Variants in CDH13 observed in about 807,000 individuals in gnomAD.
The protein encoded by CDH13 is cadherin 13, also known as cadherin-13.
In CDH13, 24 loss-of-function variants were observed where a neutral mutation model predicts 63.8. The ratio of observed to expected loss-of-function variants is 0.38; its 90% CI spans 0.27 to 0.53. The LOEUF (loss-of-function observed/expected upper bound fraction) is 0.53. Among genes scored for constraint, CDH13 ranks in the 20% least tolerant of loss-of-function variants. The pLI is 0.85. For missense variants in CDH13, 1,049 were observed against 903.1 expected (o/e 1.16, Z -2.07); for synonymous variants, 503 against 355.3 (o/e 1.42, Z -4.67).
intron 1 of CDH13, among the ~76,000 whole-genome samples, chr16:82,665,750 C>G (rs1415850859): frequency 1.3e-5 from 2 of 151,950 alleles, no homozygotes; most frequent in East Asian, 3.9e-4. Context: ...AACTGACACC[C>G]TGTAAATTGG....
At chr16:83,749,532 G>A (rs1234175903) in intron 11 of CDH13, among the ~76,000 whole-genome samples, 1 of 152,230 alleles carries the variant, frequency 6.6e-6, no homozygotes, top group Non-Finnish European at 1.5e-5. Context: ...CTATTTGGAT[G>A]TATGTGGAAA....
chr16:83,126,866 T>G (rs1455784716), intron 4 of CDH13, among the ~76,000 whole-genome samples: 3 of 152,156 alleles, frequency 2.0e-5, no homozygotes, highest in African/African-American at 7.2e-5. Context: ...GCTAACATGC[T>G]AGTGGGAAGA....
At chr16:83,197,539 C>T (rs568897391) in intron 4 of CDH13, among the ~76,000 whole-genome samples, 17 of 152,258 alleles carry the variant, frequency 1.1e-4, no homozygotes, top group African/African-American at 4.1e-4. Flanking sequence ...TTCGTCTCCC[C>T]TCCCCACCCT....
intron 1 of CDH13, among the ~76,000 whole-genome samples, chr16:82,845,045 G>C (rs920400172): frequency 2.0e-5 from 3 of 152,142 alleles, no homozygotes; most frequent in African/African-American, 7.2e-5. Flanking sequence ...CCTGAAATCA[G>C]AGCCTGAGAG....
chr16:83,621,667 AG>A (rs761725246), intron 8 of CDH13, among the ~76,000 whole-genome samples: 9 of 151,234 alleles, frequency 6.0e-5, no homozygotes, highest in Non-Finnish European at 1.2e-4. Flanking sequence ...TTGTATTTTT[AG>A]TAGAGACGAG....
intron 8 of CDH13, among the ~76,000 whole-genome samples, chr16:83,617,501 T>A (rs1004847160): frequency 3.8e-4 from 58 of 151,618 alleles, no homozygotes; most frequent in African/African-American, 1.3e-3. Context: ...TAAGCACATA[T>A]CCTAATATGC....
intron 1 of CDH13, among the ~76,000 whole-genome samples, chr16:82,787,841 A>AGTGTGCGTGTGTGTGTGTGTGTGT (rs1555516773): frequency 0.04 from 5,868 of 146,764 alleles, 165 homozygotes; most frequent in Non-Finnish European, 0.062. Flanking sequence ...GAAGGGAGGA[A>AGTGTGCGTGTGTGTGTGTGTGTGT]GTGTGTGTGT....
At chr16:82,999,891 A>T (rs531699582) in intron 2 of CDH13, among the ~76,000 whole-genome samples, 3 of 152,076 alleles carry the variant, frequency 2.0e-5, no homozygotes, top group Non-Finnish European at 1.5e-5. Flanking sequence ...ACCCGGGACA[A>T]TTTCACCCCC....
intron 1 of CDH13, among the ~76,000 whole-genome samples, chr16:82,847,887 G>C (rs959018268): frequency 3.2e-4 from 39 of 121,436 alleles, no homozygotes; most frequent in African/African-American, 9.2e-4. Context: ...TTGTTTTCTT[G>C]TGCTTCACTT....
intron 2 of CDH13, chr16:82,953,277 T>C (rs897563060): frequency 2.0e-5 from 3 of 152,158 alleles, no homozygotes; most frequent in Admixed American, 2.0e-4. Context: ...AGAAAGGTTA[T>C]TGCCAAATAT....
In CDH13 at chr16:83,228,970, T is replaced by G. The variant is rs144182843; in HGVS notation, c.636+11473T>G. ...GATGCAGTTTTCACCCAAGAAGACC[T>G]GGGTAGTGAATGGGATTAGTCCAAA... On this transcript the variant is annotated intron_variant, in intron 5 of 13. Coordinates refer to ENST00000567109, the MANE Select transcript of CDH13 (RefSeq NM_001257.5). Among the ~76,000 whole-genome samples, 622 of 152,244 alleles carry G rather than the reference T, an allele frequency of 4.1e-3. 3 individuals are homozygous for G. Among genetic ancestry groups the G allele is most frequent in the Non-Finnish European group, 4.8e-3 (324 of 68,020 alleles).
chr16:83,402,306 C>T (rs566146484), intron 6 of CDH13, among the ~76,000 whole-genome samples: 24 of 152,290 alleles, frequency 1.6e-4, no homozygotes, highest in Admixed American at 1.4e-3. Flanking sequence ...TGCATGAGCT[C>T]ATCCTCACCA....
At chr16:82,837,158 G>A (rs192541957) in intron 1 of CDH13, among the ~76,000 whole-genome samples, 2 of 152,330 alleles carry the variant, frequency 1.3e-5, no homozygotes, top group Admixed American at 1.3e-4. Flanking sequence ...AGGGTGAATG[G>A]TGGGAAGTGG....
chr16:83,345,089 T>C lies in CDH13; in HGVS notation c.781+83T>C, dbSNP rs1216141150. 8 of 1,471,800 alleles carry C rather than the reference T, an allele frequency of 5.4e-6. No individual in the cohort carries two copies. In the East Asian group the frequency reaches 6.9e-5, roughly 13 times the overall value. 91.2% of individuals were successfully genotyped at this position (1,471,800 alleles called of 1,614,324 possible). A position where few individuals can be genotyped will look rare whatever the true frequency, so the allele number is the denominator to read the frequency against. ...TTTGTGGATTCTAGGGACTGTCTTA[T>C]GGCTGTTCCAACTTGTCAGCTCGTA... On this transcript the variant is annotated intron_variant, in intron 6 of 13. Transcript: ENST00000567109.
intron 10 of CDH13, among the ~76,000 whole-genome samples, chr16:83,716,251 A>G (rs77842015): frequency 0.01 from 1,563 of 152,158 alleles, 73 homozygotes; most frequent in Admixed American, 0.077. Context: ...GTTACAACTA[A>G]TGAACCTACC....
intron 1 of CDH13, among the ~76,000 whole-genome samples, chr16:82,810,589 A>G (rs2037394610): frequency 6.6e-6 from 1 of 152,024 alleles, no homozygotes; most frequent in Non-Finnish European, 1.5e-5. Flanking sequence ...CAATTGGCTT[A>G]CTCCAGTCTG....
chr16:82,811,747 G>T (rs1247450449), intron 1 of CDH13, among the ~76,000 whole-genome samples: 1 of 152,108 alleles, frequency 6.6e-6, no homozygotes, highest in Non-Finnish European at 1.5e-5. Flanking sequence ...ATTGGAAATG[G>T]TTAGTAGATA....
intron 5 of CDH13, among the ~76,000 whole-genome samples, chr16:83,320,712 C>G (rs536105582): frequency 5.9e-5 from 9 of 152,300 alleles, no homozygotes; most frequent in African/African-American, 1.9e-4. Flanking sequence ...GTGAAATTCT[C>G]TTGTCATTAG....
intron 2 of CDH13, among the ~76,000 whole-genome samples, chr16:82,977,726 G>C (rs890176880): frequency 6.6e-6 from 1 of 152,188 alleles, no homozygotes; most frequent in African/African-American, 2.4e-5. Flanking sequence ...TTCTGAGGGA[G>C]CAGGGTGCTG....
Sources: allele counts gnomAD v4.1 joint callset (sites outside exome capture counted in the v4.1 genomes callset), GRCh38; gene constraint gnomAD v4.1.1; transcripts MANE v1.5; gene names NCBI Gene and HGNC (gene_info 2026-07-23, HGNC 2026-07-21).